Variants in CNTN4 observed in about 807,000 individuals in gnomAD.
CNTN4 encodes the protein contactin 4.
In CNTN4, 77 loss-of-function variants were observed where a neutral mutation model predicts 122.5. The observed-to-expected ratio is 0.63, with a 90% CI of 0.52 to 0.76. The LOEUF is 0.76. Among genes scored for constraint, CNTN4 ranks in the 30% least tolerant of loss-of-function variants. The pLI is 0.00. For synonymous variants in CNTN4, 512 were observed against 447.0 expected (o/e 1.15, Z -1.83); for missense variants, 1,256 against 1,259.1 (o/e 1.00, Z 0.04).
chr3:2,380,860 A>G (rs565918627), intron 3 of CNTN4, among the ~76,000 whole-genome samples: 1 of 152,248 alleles, frequency 6.6e-6, no homozygotes, highest in South Asian at 2.1e-4. Context: ...TGATTTCTGT[A>G]TTAGTTGGTT....
chr3:2,621,589 A>G (rs918211914), intron 4 of CNTN4, among the ~76,000 whole-genome samples: 2 of 152,120 alleles, frequency 1.3e-5, no homozygotes. Flanking sequence ...TGGCACGTGT[A>G]TACCTATGTA....
chr3:2,939,613 T>A (rs1167082333), intron 13 of CNTN4, among the ~76,000 whole-genome samples: 1 of 152,234 alleles, frequency 6.6e-6, no homozygotes, highest in African/African-American at 2.4e-5. Flanking sequence ...AAAGCAGCTC[T>A]GTGTAAGATG....
At chr3:2,849,647 A>G (rs2093513937) in intron 7 of CNTN4, among the ~76,000 whole-genome samples, 1 of 152,204 alleles carries the variant, frequency 6.6e-6, no homozygotes. Flanking sequence ...ACTTTACAGA[A>G]GAAGATCAAG....
chr3:2,929,042 A>C (rs78910578), intron 13 of CNTN4, among the ~76,000 whole-genome samples: 3,353 of 152,350 alleles, frequency 0.022, 114 homozygotes, highest in African/African-American at 0.075. Context: ...CCAAGCATCT[A>C]AATGAAAGAT....
At chr3:2,456,574 T>C (rs975227649) in intron 3 of CNTN4, among the ~76,000 whole-genome samples, 2 of 152,140 alleles carry the variant, frequency 1.3e-5, no homozygotes, top group Non-Finnish European at 2.9e-5. Flanking sequence ...TCCGTCTCTT[T>C]GGATTTACCT....
At chr3:2,628,881 G>GT (rs1358845130) in intron 4 of CNTN4, among the ~76,000 whole-genome samples, 1 of 152,068 alleles carries the variant, frequency 6.6e-6, no homozygotes, top group Non-Finnish European at 1.5e-5. Context: ...TTTTTTGTTT[G>GT]TTTTTTACTC....
At chr3:2,342,214 G>A (rs1278827182) in intron 3 of CNTN4, among the ~76,000 whole-genome samples, 1 of 152,082 alleles carries the variant, frequency 6.6e-6, no homozygotes, top group African/African-American at 2.4e-5. Flanking sequence ...CTGTAAAATG[G>A]AGACTGTGAT....
At chr3:2,499,682 ATTC>A (rs2076545119) in intron 3 of CNTN4, among the ~76,000 whole-genome samples, 2 of 151,956 alleles carry the variant, frequency 1.3e-5, no homozygotes, top group African/African-American at 4.8e-5. Flanking sequence ...TTTCTCTCAT[ATTC>A]TTCTTTTTTA....
At chr3:2,861,335 C>T (rs1368618243) in intron 7 of CNTN4, among the ~76,000 whole-genome samples, 1 of 152,070 alleles carries the variant, frequency 6.6e-6, no homozygotes, top group East Asian at 1.9e-4. Context: ...TCCAGCACAC[C>T]TCTCCATCTC....
intron 4 of CNTN4, among the ~76,000 whole-genome samples, chr3:2,725,966 C>T (rs1042714545): frequency 6.6e-6 from 1 of 152,188 alleles, no homozygotes; most frequent in African/African-American, 2.4e-5. Flanking sequence ...ACAACTGCAA[C>T]TCAGATTTGC....
At chr3:2,268,395 G>A (rs2041140661) in intron 2 of CNTN4, among the ~76,000 whole-genome samples, 1 of 151,946 alleles carries the variant, frequency 6.6e-6, no homozygotes. Flanking sequence ...TATAACGAGA[G>A]CCTGAAAAAT....
intron 4 of CNTN4, among the ~76,000 whole-genome samples, chr3:2,724,848 A>C: frequency 6.6e-6 from 1 of 151,926 alleles, no homozygotes; most frequent in East Asian, 1.9e-4. Context: ...AGAAAGGGCA[A>C]CCTCTCCACT....
chr3:2,860,171 G>A (rs983312757), intron 7 of CNTN4, among the ~76,000 whole-genome samples: 1 of 152,156 alleles, frequency 6.6e-6, no homozygotes, highest in Non-Finnish European at 1.5e-5. Context: ...TGCCTCATAT[G>A]GGCACCATTT....
intron 3 of CNTN4, among the ~76,000 whole-genome samples, chr3:2,530,149 C>G (rs2077543166): frequency 6.6e-6 from 1 of 152,028 alleles, no homozygotes; most frequent in Non-Finnish European, 1.5e-5. Context: ...GCTTTTCTTT[C>G]TAGGTTGCCT....
At chr3:2,253,622 T>C (rs768612236) in intron 2 of CNTN4, among the ~76,000 whole-genome samples, 26 of 151,994 alleles carry the variant, frequency 1.7e-4, no homozygotes, top group Non-Finnish European at 3.4e-4. Flanking sequence ...TTAGGTCATA[T>C]TGAGCCATGA....
intron 2 of CNTN4, among the ~76,000 whole-genome samples, chr3:2,260,497 T>C (rs1240287420): frequency 1.3e-5 from 2 of 152,052 alleles, no homozygotes; most frequent in African/African-American, 2.4e-5. Context: ...GAAAAAATCA[T>C]TGTGGCAGAT....
intron 3 of CNTN4, among the ~76,000 whole-genome samples, chr3:2,555,642 G>A (rs1260045620): frequency 6.6e-6 from 1 of 152,172 alleles, no homozygotes; most frequent in African/African-American, 2.4e-5. Flanking sequence ...AGGGAAGAGA[G>A]AGGGGAACAG....
At chr3:2,288,348 AGAAG>A (rs1174198049) in intron 2 of CNTN4, among the ~76,000 whole-genome samples, 4 of 152,162 alleles carry the variant, frequency 2.6e-5, no homozygotes, top group Non-Finnish European at 4.4e-5. Flanking sequence ...TCACAGGGCC[AGAAG>A]GAAGGAAGAG....
At position 2,526,124 on chromosome 3, in the gene CNTN4, T is replaced by C. The variant is rs530309573; in HGVS notation, c.-88-45292T>C. On this transcript the variant is annotated intron_variant, in intron 3 of 24. Coordinates refer to ENST00000418658, the MANE Select transcript of CNTN4 (RefSeq NM_175607.3). ...ATCCCGCCCACCCTCCTAACACATT[T>C]TACCCATCCCTGGCACTATGGTCCT... 1.2e-4 allele frequency among the ~76,000 whole-genome samples: 18 copies of C among 152,220 alleles called. No individual in the cohort carries two copies. In the East Asian group the frequency reaches 3.3e-3, roughly 28 times the overall value.
Sources: gnomAD v4.1 joint callset for allele counts (sites outside exome capture counted in the v4.1 genomes callset) on GRCh38, gnomAD v4.1.1 for gene constraint, MANE v1.5 for transcripts, NCBI Gene and HGNC (gene_info 2026-07-23, HGNC 2026-07-21) for gene names.